Variants in COL27A1 observed in about 807,000 individuals in gnomAD.
COL27A1 encodes the protein collagen alpha-1(XXVII) chain.
Under a neutral mutation model 251.3 loss-of-function variants are expected in COL27A1, and 106 were observed. That is an observed-to-expected ratio of 0.42 (90% CI 0.36 to 0.50). COL27A1 has a LOEUF of 0.50. COL27A1 is among the 20% of genes least tolerant of loss of function. The pLI, the probability that COL27A1 is intolerant of heterozygous loss-of-function variation, is 0.00. For missense variants in COL27A1, 2,325 were observed against 2,522.8 expected (o/e 0.92, Z 1.68); for synonymous variants, 1,000 against 986.3 (o/e 1.01, Z -0.26).
chr9:114,193,501 T>C (rs1188848925), intron 5 of COL27A1, among the ~76,000 whole-genome samples: 1 of 152,144 alleles, frequency 6.6e-6, no homozygotes, highest in African/African-American at 2.4e-5. Flanking sequence ...CAGGGCATCC[T>C]GGAACGCAGG....
At chr9:114,175,506 C>T (rs550398473) in intron 3 of COL27A1, among the ~76,000 whole-genome samples, 3 of 152,308 alleles carry the variant, frequency 2.0e-5, no homozygotes, top group Non-Finnish European at 4.4e-5. Context: ...ACTGGGCAGC[C>T]GGCGGTCCCC....
chr9:114,280,250 C>T (rs529851736), intron 37 of COL27A1, among the ~76,000 whole-genome samples: 1 of 150,892 alleles, frequency 6.6e-6, no homozygotes, highest in Admixed American at 6.6e-5. Flanking sequence ...CTCACTCTGT[C>T]GCCCAGGCTG....
intron 5 of COL27A1, among the ~76,000 whole-genome samples, chr9:114,187,455 G>C (rs966379997): frequency 6.6e-6 from 1 of 152,268 alleles, no homozygotes; most frequent in Non-Finnish European, 1.5e-5. Flanking sequence ...TGCAGGGCAG[G>C]TATTATTACC....
intron 5 of COL27A1, among the ~76,000 whole-genome samples, chr9:114,187,396 A>C (rs575970359): frequency 6.6e-6 from 1 of 152,302 alleles, no homozygotes; most frequent in African/African-American, 2.4e-5. Flanking sequence ...CTCTGAGAGC[A>C]CTTTGAGCAA....
intron 12 of COL27A1, among the ~76,000 whole-genome samples, chr9:114,213,883 C>G (rs964424288): frequency 2.0e-5 from 3 of 152,162 alleles, no homozygotes; most frequent in African/African-American, 7.2e-5. Context: ...AGACTAGGCT[C>G]TGATCTTCAT....
chr9:114,190,612 C>G (rs1293725497), intron 5 of COL27A1, among the ~76,000 whole-genome samples: 1 of 152,200 alleles, frequency 6.6e-6, no homozygotes, highest in African/African-American at 2.4e-5. Flanking sequence ...TTGTCTCACC[C>G]CATCTCTGGG....
At position 114,168,446 on chromosome 9, in the gene COL27A1, C is replaced by T. The variant is rs766440114; in HGVS notation, c.891C>T (p.Pro297=). The change falls in exon 3 of 61, where the codon CCC becomes CCT. Residue 297 remains proline, a synonymous_variant. Transcript: ENST00000356083. ...GPRGTVAPAT[P]TKPQRTSPTN... is the part of the protein sequence containing the mutation. ...GGGGGACTGTGGCACCCGCCACGCC[C>T]ACCAAGCCCCAAAGGACTAGCCCCA... 1 of 1,613,920 alleles carries T rather than the reference C, an allele frequency of 6.2e-7. No homozygotes were observed. The highest frequency in any genetic ancestry group is 1.1e-5 in the South Asian group (1 of 91,080).
intron 3 of COL27A1, among the ~76,000 whole-genome samples, chr9:114,170,286 A>G (rs1226841134): frequency 6.6e-6 from 1 of 152,234 alleles, no homozygotes; most frequent in Non-Finnish European, 1.5e-5. Flanking sequence ...GATTTGCAGG[A>G]TGGTCTCAGG....
chr9:114,181,042 C>T (rs946942796), intron 4 of COL27A1, among the ~76,000 whole-genome samples: 17 of 152,142 alleles, frequency 1.1e-4, no homozygotes, highest in African/African-American at 4.1e-4. Context: ...GTCCAATTCC[C>T]ACTGAGCTTG....
intron 36 of COL27A1, 64 bp downstream of exon 36, chr9:114,270,845 C>A: frequency 8.3e-7 from 1 of 1,206,132 alleles, no homozygotes; most frequent in South Asian, 1.2e-5. Flanking sequence ...CATCCAAGAC[C>A]TAAGTCTCCT....
chr9:114,200,539 A>G (rs1312035246), intron 7 of COL27A1, among the ~76,000 whole-genome samples: 5 of 152,224 alleles, frequency 3.3e-5, no homozygotes, highest in Non-Finnish European at 7.3e-5. Context: ...TGCAGAAAAT[A>G]TACCTTCCTG....
chr9:114,307,088 T>G (rs1829106136), intron 58 of COL27A1: 2 of 199,752 alleles, frequency 1.0e-5, no homozygotes, highest in African/African-American at 4.7e-5. Flanking sequence ...CCAATGTCAG[T>G]TCTGCCTCAG....
chr9:114,211,150 C>T (rs1466013004), intron 12 of COL27A1, 124 bp downstream of exon 12: 15 of 1,017,944 alleles, frequency 1.5e-5, no homozygotes, highest in South Asian at 2.7e-5. Context: ...GTGTGGGGGC[C>T]GCATGTGGGG....
intron 27 of COL27A1, among the ~76,000 whole-genome samples, chr9:114,255,904 C>T (rs577285529): frequency 4.6e-5 from 7 of 152,278 alleles, no homozygotes; most frequent in East Asian, 3.9e-4. Context: ...ATAGCTTCTC[C>T]GACCCTCAGT....
At chr9:114,181,689 A>G (rs967358690) in intron 4 of COL27A1, among the ~76,000 whole-genome samples, 1 of 152,222 alleles carries the variant, frequency 6.6e-6, no homozygotes, top group Non-Finnish European at 1.5e-5. Context: ...GGAAGACTCT[A>G]GGCCAGGGCC....
chr9:114,186,620 G>A (rs1351784006), intron 5 of COL27A1, among the ~76,000 whole-genome samples: 1 of 152,188 alleles, frequency 6.6e-6, no homozygotes, highest in Non-Finnish European at 1.5e-5. Flanking sequence ...TATAGTGGAC[G>A]ACTAGGCAAA....
At chr9:114,226,283 G>A (rs113136683) in intron 14 of COL27A1, among the ~76,000 whole-genome samples, 2,192 of 152,246 alleles carry the variant, frequency 0.014, 50 homozygotes, top group African/African-American at 0.05. Flanking sequence ...TTCCTTGTCT[G>A]TAAAGCAAAG....
rs139237104 is a variant in COL27A1, at chr9:114,269,263, C to A, written c.3524C>A (p.Thr1175Asn). Residue 1175 changes from threonine to asparagine, a missense_variant, in exon 35 of 61, where the codon ACT (threonine) becomes AAT (asparagine). This residue lies in a region of COL27A1 where 662 missense variants were observed against 795.3 expected (regional missense o/e 0.83). Transcript: ENST00000356083. The stretch of plus-strand genomic sequence containing the variant: ...TAGGGTGACCTTGGACCCCTGGGCA[C>A]TCCTGGGGAGCAGGGCCTCATTGGG... ...GMKGDLGPLG[T>N]PGEQGLIGQR... 1.1e-4 allele frequency: 183 copies of A among 1,607,652 alleles called. No homozygotes were observed. In the African/African-American group the frequency reaches 2.0e-3, roughly 18 times the overall value.
intron 2 of COL27A1, 26 bp downstream of exon 2, chr9:114,162,811 G>C (rs753581161): frequency 2.5e-6 from 4 of 1,573,924 alleles, no homozygotes; most frequent in East Asian, 2.2e-5. Flanking sequence ...CTTTGTCCAG[G>C]GGGAGACAAA....
Sources: allele counts gnomAD v4.1 joint callset (sites outside exome capture counted in the v4.1 genomes callset), GRCh38; gene constraint gnomAD v4.1.1; regional missense constraint gnomAD v4.1.1; transcripts MANE v1.5; gene names NCBI Gene and HGNC (gene_info 2026-07-23, HGNC 2026-07-21).